The following TLE1 variants were observed in gnomAD, a reference collection of about 807,000 sequenced individuals.
TLE1 encodes the protein transducin-like enhancer protein 1.
TLE1 carries 21 observed loss-of-function variants against 89.8 expected under a neutral mutation model. The observed-to-expected ratio is 0.23, with a 90% CI of 0.17 to 0.34. TLE1 has a LOEUF of 0.34. Among genes scored for constraint, TLE1 ranks in the 10% least tolerant of loss-of-function variants. TLE1 has a pLI of 1.00. For synonymous variants in TLE1, 447 were observed against 407.6 expected (o/e 1.10, Z -1.16); for missense variants, 795 against 1,031.2 (o/e 0.77, Z 3.14).
chr9:81,673,214 A>T (rs1832449139), intron 4 of TLE1, among the ~76,000 whole-genome samples: 1 of 146,124 alleles, frequency 6.8e-6, no homozygotes, highest in South Asian at 2.2e-4. Flanking sequence ...TGGAGGTTGC[A>T]GTGAACCAAG....
chr9:81,611,013 T>C (rs1384816625), intron 13 of TLE1, among the ~76,000 whole-genome samples: 3 of 152,166 alleles, frequency 2.0e-5, no homozygotes, highest in East Asian at 3.9e-4. Context: ...CACCGCAAAC[T>C]AGTGGAGGTA....
chr9:81,623,600 G>A (rs1337263660), intron 8 of TLE1, among the ~76,000 whole-genome samples: 3 of 138,278 alleles, frequency 2.2e-5, no homozygotes, highest in Non-Finnish European at 4.6e-5. Context: ...CCAACATGGT[G>A]AAACCCCATC....
chr9:81,613,261 G>A, intron 12 of TLE1, 116 bp downstream of exon 12: 2 of 1,384,062 alleles, frequency 1.4e-6, no homozygotes, highest in Non-Finnish European at 1.9e-6. Flanking sequence ...AGGAAGGAGG[G>A]TGGCCCTACG....
At position 81,616,077 on chromosome 9, in the gene TLE1, T is replaced by C; in HGVS notation, c.823A>G (p.Lys275Glu). ...GCATCCTTCTTTAGCAGGCGATTTT[T>C]GTCGATTCCATTTTCCCGGGGCGAG... is the stretch of plus-strand genomic sequence containing the variant. Reference protein sequence around the residue: ...AHSPRENGIDKNRLLKKDASS... With the variant: ...AHSPRENGIDENRLLKKDASS... The change falls in exon 11 of 20, where the codon AAA becomes GAA. Residue 275 changes from lysine to glutamate, a missense_variant. Physicochemically the swap from Lys to Glu is moderately conservative, Grantham distance 56. Around this residue, in one of 4 missense-constraint regions of TLE1, gnomAD observed 468 missense variants for 509.1 expected, o/e 0.92. Transcript: ENST00000376499. 1 of 1,614,184 alleles carries C rather than the reference T, an allele frequency of 6.2e-7. No individual in the cohort carries two copies.
intron 15 of TLE1, among the ~76,000 whole-genome samples, chr9:81,592,685 G>A (rs756256618): frequency 2.6e-5 from 4 of 152,164 alleles, no homozygotes; most frequent in Non-Finnish European, 5.9e-5. Context: ...AAAAACGAGT[G>A]GATGGCAGGG....
At chr9:81,612,886 C>T (rs1038266993) in intron 12 of TLE1, among the ~76,000 whole-genome samples, 1 of 152,292 alleles carries the variant, frequency 6.6e-6, no homozygotes, top group Non-Finnish European at 1.5e-5. Flanking sequence ...GGTGAAACCC[C>T]GTCTCTACTA....
Position 81,587,224 on chromosome 9 carries a change from C to T in TLE1, c.1977+457G>A, listed in dbSNP as rs114062202. On this transcript the variant is annotated intron_variant, in intron 17 of 19. Transcript: ENST00000376499. ...GTGCATTTTTTTGAGCTCTCTGGTG[C>T]GGGGTAAATAAATGAACTTTCAGAG... Among the ~76,000 whole-genome samples, 1,484 of 152,136 alleles carry T rather than the reference C, an allele frequency of 9.8e-3. 26 individuals carry two copies. Among genetic ancestry groups the T allele is most frequent in the African/African-American group, 0.034 (1,405 of 41,498 alleles).
At chr9:81,587,391 T>C (rs1828658248) in intron 17 of TLE1, among the ~76,000 whole-genome samples, 2 of 152,230 alleles carry the variant, frequency 1.3e-5, no homozygotes, top group Non-Finnish European at 2.9e-5. Context: ...GAAGGAAAAC[T>C]ATACATTCTT....
chr9:81,613,634 A>G, intron 11 of TLE1, 113 bp from the exon 12 acceptor site: 1 of 1,215,558 alleles, frequency 8.2e-7, no homozygotes, highest in South Asian at 1.4e-5. Context: ...CCCTCAGCCA[A>G]TTTTCATAAA....
intron 14 of TLE1, among the ~76,000 whole-genome samples, chr9:81,600,606 T>C (rs1222564007): frequency 6.9e-6 from 1 of 145,806 alleles, no homozygotes; most frequent in African/African-American, 2.6e-5. Flanking sequence ...AATGGGCATG[T>C]TATTTTTAGC....
intron 4 of TLE1, among the ~76,000 whole-genome samples, chr9:81,672,103 C>G (rs1002286902): frequency 6.6e-6 from 1 of 152,136 alleles, no homozygotes; most frequent in Non-Finnish European, 1.5e-5. Context: ...GCCATGAACG[C>G]GGAGCTTCTC....
At chr9:81,650,029 C>T (rs564793395) in intron 6 of TLE1, among the ~76,000 whole-genome samples, 1 of 152,298 alleles carries the variant, frequency 6.6e-6, no homozygotes, top group South Asian at 2.1e-4. Flanking sequence ...GCCCAAGACA[C>T]ACAATGGGCC....
intron 15 of TLE1, among the ~76,000 whole-genome samples, chr9:81,592,243 A>C (rs923196368): frequency 2.6e-5 from 4 of 152,328 alleles, no homozygotes; most frequent in South Asian, 4.1e-4. Flanking sequence ...CCGTAGTCCC[A>C]GCTACTTGGG....
At chr9:81,614,323 G>A (rs571112718) in intron 11 of TLE1, among the ~76,000 whole-genome samples, 1 of 152,288 alleles carries the variant, frequency 6.6e-6, no homozygotes, top group South Asian at 2.1e-4. Flanking sequence ...TTACCAATAT[G>A]CCTAAAAAGA....
intron 8 of TLE1, among the ~76,000 whole-genome samples, 200 bp downstream of exon 8, chr9:81,633,146 CAA>C (rs1194631916): frequency 6.6e-6 from 1 of 151,594 alleles, no homozygotes; most frequent in African/African-American, 2.4e-5. Flanking sequence ...TGTAAAAAGA[CAA>C]GAGCAGAGCG....
In TLE1 at chr9:81,686,120, G is replaced by A. The variant is rs546066750; in HGVS notation, c.126-224C>T. Among the ~76,000 whole-genome samples the A allele has an allele frequency of 7.2e-5, 11 of 152,234 alleles. No individual in the cohort carries two copies. In the East Asian group the frequency reaches 2.1e-3, roughly 29 times the overall value. ...TACCATTCTTCTTGGTGCCTATCTG[G>A]TTAGATGACAAGAATGAAAAAAATC... On this transcript the variant is annotated intron_variant, in intron 2 of 19. Coordinates refer to ENST00000376499, the MANE Select transcript of TLE1 (RefSeq NM_005077.5).
intron 4 of TLE1, among the ~76,000 whole-genome samples, chr9:81,669,551 G>C (rs1831941748): frequency 6.6e-6 from 1 of 152,018 alleles, no homozygotes; most frequent in South Asian, 2.1e-4. Context: ...GCAGTGTAGG[G>C]GCATGTGCCA....
intron 14 of TLE1, among the ~76,000 whole-genome samples, chr9:81,603,212 TC>T (rs1240063488): frequency 6.6e-6 from 1 of 152,076 alleles, no homozygotes; most frequent in Non-Finnish European, 1.5e-5. Flanking sequence ...ATGGGATCAG[TC>T]CCCCATGCTG....
chr9:81,640,171 G>A (rs995472986), intron 6 of TLE1, among the ~76,000 whole-genome samples: 1 of 152,080 alleles, frequency 6.6e-6, no homozygotes, highest in African/African-American at 2.4e-5. Flanking sequence ...CAGTGCTAAG[G>A]TTCACTAACT....
Sources: allele counts gnomAD v4.1 joint callset (sites outside exome capture counted in the v4.1 genomes callset), GRCh38; gene constraint gnomAD v4.1.1; regional missense constraint gnomAD v4.1.1; transcripts MANE v1.5; gene names NCBI Gene and HGNC (gene_info 2026-07-23, HGNC 2026-07-21).